The following GLI3 variants were observed in gnomAD, a reference collection of about 807,000 sequenced individuals.
GLI3 encodes the protein transcription activator GLI3.
GLI3 carries 20 observed loss-of-function variants against 100.8 expected under a neutral mutation model. That is an observed-to-expected ratio of 0.20 (90% CI 0.14 to 0.29). GLI3 has a LOEUF of 0.29. GLI3 is among the 10% of genes least tolerant of loss of function. The pLI is 1.00. For missense variants in GLI3, 2,040 were observed against 2,128.5 expected (o/e 0.96, Z 0.82); for synonymous variants, 938 against 860.5 (o/e 1.09, Z -1.58).
At chr7:42,190,017 C>CAG (rs1040203635) in intron 2 of GLI3, among the ~76,000 whole-genome samples, 3 of 131,004 alleles carry the variant, frequency 2.3e-5, no homozygotes, top group South Asian at 2.5e-4. Context: ...CACACACACA[C>CAG]AGAGAACTAT....
rs1349413059 is a variant in GLI3, at chr7:41,972,501, G to A, written c.1939C>T (p.His647Tyr). The A allele has an allele frequency of 3.1e-6, 5 of 1,613,106 alleles. No individual in the cohort carries two copies. Among genetic ancestry groups the A allele is most frequent in the African/African-American group, 1.3e-5 (1 of 74,762 alleles). Residue 647 changes from histidine (H) to tyrosine (Y), a missense_variant, in exon 13 of 15, where the codon CAT becomes TAT. Transcript: ENST00000395925. The surrounding 1 kb of genome is among the most constrained non-coding windows in gnomAD (Gnocchi z 4.4). ...TCTCTCGGGGGTGGCGGCCGAGGAT[G>A]GATGTCCCCTCGCTGCTTCTTGGTG... ...HVTKKQRGDI[H>Y]PRPPPPRDSG...
chr7:42,165,179 C>CAA (rs113990543), intron 2 of GLI3, among the ~76,000 whole-genome samples: 1 of 120,856 alleles, frequency 8.3e-6, no homozygotes, highest in Non-Finnish European at 1.8e-5. Flanking sequence ...AAACTGTGTC[C>CAA]AAAAAAAAAA....
At chr7:42,168,996 T>C (rs1787304818) in intron 2 of GLI3, among the ~76,000 whole-genome samples, 1 of 152,186 alleles carries the variant, frequency 6.6e-6, no homozygotes, top group South Asian at 2.1e-4. Context: ...TAGAGGGTGC[T>C]GAATGGGTCT....
At chr7:41,991,957 G>A (rs1787998942) in intron 10 of GLI3, among the ~76,000 whole-genome samples, 1 of 152,308 alleles carries the variant, frequency 6.6e-6, no homozygotes, top group Admixed American at 6.5e-5. Flanking sequence ...GCACATGCTG[G>A]TGAGTGGCTG....
chr7:41,967,961 G>C, intron 13 of GLI3, 38 bp from the exon 14 acceptor site: 1 of 1,545,076 alleles, frequency 6.5e-7, no homozygotes, highest in Non-Finnish European at 9.0e-7. Flanking sequence ...AATGTCACCA[G>C]GGAGGGTCAA....
intron 1 of GLI3, among the ~76,000 whole-genome samples, chr7:42,257,858 CT>C (rs1416079390): frequency 3.9e-5 from 6 of 152,064 alleles, no homozygotes; most frequent in Admixed American, 6.5e-5. Flanking sequence ...ATATCCATTG[CT>C]TTTTGTATAT....
At chr7:42,108,204 G>C (rs985035097) in intron 3 of GLI3, among the ~76,000 whole-genome samples, 1 of 152,152 alleles carries the variant, frequency 6.6e-6, no homozygotes, top group African/African-American at 2.4e-5. Flanking sequence ...GAAATACGTG[G>C]ATGCTTAATG....
At chr7:42,095,789 G>A (rs1283467515) in intron 3 of GLI3, among the ~76,000 whole-genome samples, 1 of 152,182 alleles carries the variant, frequency 6.6e-6, no homozygotes, top group Non-Finnish European at 1.5e-5. Context: ...CTGGAGGGAG[G>A]TGGATCTGGG....
intron 3 of GLI3, among the ~76,000 whole-genome samples, chr7:42,128,196 A>C (rs1459880898): frequency 6.6e-6 from 1 of 152,136 alleles, no homozygotes; most frequent in African/African-American, 2.4e-5. Context: ...ATAAGGGAGC[A>C]CTCAATTTAA....
intron 3 of GLI3, among the ~76,000 whole-genome samples, chr7:42,134,510 A>T (rs1786379273): frequency 6.6e-6 from 1 of 152,072 alleles, no homozygotes; most frequent in Non-Finnish European, 1.5e-5. Context: ...ACCCACAAAA[A>T]CCCAGAAAAT....
chr7:42,137,063 T>C (rs1345312214), intron 3 of GLI3, among the ~76,000 whole-genome samples: 1 of 152,206 alleles, frequency 6.6e-6, no homozygotes, highest in Non-Finnish European at 1.5e-5. Flanking sequence ...CTTTACCAGG[T>C]CTCAGTTTCC....
intron 3 of GLI3, among the ~76,000 whole-genome samples, chr7:42,121,952 G>C (rs188972226): frequency 6.6e-6 from 1 of 152,106 alleles, no homozygotes. Flanking sequence ...CAAGTGGAAG[G>C]TTTCTGAGAC....
chr7:42,215,189 C>G (rs1156501279), intron 2 of GLI3, among the ~76,000 whole-genome samples: 1 of 152,048 alleles, frequency 6.6e-6, no homozygotes, highest in Non-Finnish European at 1.5e-5. Context: ...GGTGCTGGAA[C>G]CGTTCTGTGT....
At chr7:42,216,700 G>A (rs901626725) in intron 2 of GLI3, among the ~76,000 whole-genome samples, 1 of 152,100 alleles carries the variant, frequency 6.6e-6, no homozygotes, top group Admixed American at 6.6e-5. Context: ...AAAATCTAGT[G>A]TTATAAGCTA....
intron 1 of GLI3, among the ~76,000 whole-genome samples, chr7:42,251,332 C>T (rs1166293295): frequency 2.0e-5 from 3 of 152,198 alleles, no homozygotes; most frequent in Non-Finnish European, 4.4e-5. Context: ...ACCTAGATCC[C>T]TTGCAAACAC....
At chr7:42,246,744 A>G (rs1052796659) in intron 1 of GLI3, among the ~76,000 whole-genome samples, 6 of 128,206 alleles carry the variant, frequency 4.7e-5, no homozygotes, top group Admixed American at 8.2e-5. Flanking sequence ...TGAAGCTGTT[A>G]TTTTCGGCGG....
chr7:42,157,421 A>T (rs1787027890), intron 2 of GLI3, among the ~76,000 whole-genome samples: 1 of 152,170 alleles, frequency 6.6e-6, no homozygotes, highest in South Asian at 2.1e-4. Flanking sequence ...CTCACAAAGC[A>T]CACCTTCATG....
intron 7 of GLI3, among the ~76,000 whole-genome samples, chr7:42,027,041 T>A (rs1325701078): frequency 6.6e-6 from 1 of 152,206 alleles, no homozygotes; most frequent in Non-Finnish European, 1.5e-5. Context: ...GGAGGAATAT[T>A]CCAGTGGGAG....
chr7:42,147,989 C>T lies in GLI3; in HGVS notation c.367+237G>A, dbSNP rs369584322. ...AAATGGACCACTCTCCTGAAGGCCG[C>T]CCCACTGAAGACTGATGTTGCTTAG... On this transcript the variant is annotated intron_variant, in intron 3 of 14. Coordinates refer to ENST00000395925, the MANE Select transcript of GLI3 (RefSeq NM_000168.6). Among the ~76,000 whole-genome samples the T allele has an allele frequency of 1.8e-3, 267 of 152,224 alleles. 1 individual carries two copies. Among genetic ancestry groups the T allele is most frequent in the African/African-American group, 6.2e-3 (258 of 41,530 alleles).
Sources: gnomAD v4.1 joint callset for allele counts (sites outside exome capture counted in the v4.1 genomes callset) on GRCh38, gnomAD v4.1.1 for gene constraint, Gnocchi (gnomAD v3.1) non-coding constraint, MANE v1.5 for transcripts, NCBI Gene and HGNC (gene_info 2026-07-23, HGNC 2026-07-21) for gene names.